The following HIVEP3 variants were observed in gnomAD, a reference collection of about 807,000 sequenced individuals.
HIVEP3 encodes HIVEP zinc finger 3.
HIVEP3 carries 49 observed loss-of-function variants against 152.8 expected under a neutral mutation model. That is an observed-to-expected ratio of 0.32 (90% CI 0.26 to 0.41). HIVEP3 has a LOEUF of 0.41. Ranked by LOEUF, HIVEP3 falls within the 10% of genes least tolerant of loss-of-function variation. The probability of loss-of-function intolerance (pLI) is 1.00; values close to 1 mark genes in which losing one functional copy is unlikely to be tolerated. For synonymous variants in HIVEP3, 1,269 were observed against 1,289.0 expected, an observed-to-expected ratio of 0.98 and a Z score of 0.33; for missense variants, 2,790 against 3,103.3, an observed-to-expected ratio of 0.90 and a Z score of 2.40.
chr1:41,617,926 G>A (rs1337007892), intron 3 of HIVEP3, among the ~76,000 whole-genome samples: 1 of 152,204 alleles, frequency 6.6e-6, no homozygotes, highest in Non-Finnish European at 1.5e-5. Flanking sequence ...GGAGGGCAAT[G>A]ACCGCACCAG....
intron 2 of HIVEP3, among the ~76,000 whole-genome samples, chr1:41,656,018 C>T (rs1453177905): frequency 1.3e-5 from 2 of 152,044 alleles, no homozygotes; most frequent in Non-Finnish European, 2.9e-5. Context: ...TTTGGGTCTT[C>T]TTTAAGAAAA....
At chr1:41,531,602 G>T (rs1643257154) in intron 5 of HIVEP3, among the ~76,000 whole-genome samples, 1 of 62,906 alleles carries the variant, frequency 1.6e-5, no homozygotes. Context: ...ATGGAGGACA[G>T]GGGAGATGGA....
At chr1:41,585,410 A>G (rs1410975015) in intron 3 of HIVEP3, 92 bp from the exon 4 acceptor site, 3 of 398,348 alleles carry the variant, frequency 7.5e-6, no homozygotes, top group Non-Finnish European at 1.3e-5. Flanking sequence ...GGCAGCCCAG[A>G]CTCGGTGCCA....
intron 1 of HIVEP3, among the ~76,000 whole-genome samples, chr1:41,983,368 G>A (rs780050417): frequency 6.6e-6 from 1 of 152,186 alleles, no homozygotes; most frequent in South Asian, 2.1e-4. Flanking sequence ...TTTAACAAGC[G>A]CAAACATAAA....
chr1:41,927,690 C>T (rs1231519425), intron 1 of HIVEP3, among the ~76,000 whole-genome samples: 1 of 152,044 alleles, frequency 6.6e-6, no homozygotes, highest in South Asian at 2.1e-4. Flanking sequence ...CCCTTCTCCC[C>T]GATAATCACA....
chr1:41,526,999 TCA>T (rs376254919), intron 5 of HIVEP3, among the ~76,000 whole-genome samples: 1 of 75,968 alleles, frequency 1.3e-5, no homozygotes, highest in East Asian at 5.5e-4. Context: ...ACCCCTGCAC[TCA>T]CACTCGCTTA....
intron 2 of HIVEP3, among the ~76,000 whole-genome samples, chr1:41,685,679 T>C (rs191910695): frequency 2.0e-5 from 3 of 152,368 alleles, no homozygotes; most frequent in Non-Finnish European, 4.4e-5. Flanking sequence ...CTTGAATCCT[T>C]TTTGGAACAG....
intron 1 of HIVEP3, among the ~76,000 whole-genome samples, chr1:41,952,905 A>T (rs1277062871): frequency 6.6e-6 from 1 of 152,162 alleles, no homozygotes; most frequent in African/African-American, 2.4e-5. Context: ...GAAGGTGTCA[A>T]GTCATTCCAC....
chr1:41,698,473 A>G (rs1214452955), intron 2 of HIVEP3, among the ~76,000 whole-genome samples: 1 of 152,206 alleles, frequency 6.6e-6, no homozygotes. Context: ...TGGCCTTATC[A>G]TGTAGCTCAT....
rs1649143282 is a variant in HIVEP3, at chr1:41,783,018, G to A, written c.-800-82023C>T. On this transcript the variant is annotated intron_variant, in intron 1 of 8. Coordinates refer to ENST00000372583, the MANE Select transcript of HIVEP3 (RefSeq NM_024503.5). ...GCCAGGGCTGTGGTTTTCAAACCTG[G>A]AAACCAAACCAGGTTCCAGGGCTCC... Among the ~76,000 whole-genome samples, 5 of 152,252 alleles carry A rather than the reference G, an allele frequency of 3.3e-5. No individual in the cohort carries two copies. In the South Asian group the frequency reaches 1.0e-3, roughly 32 times the overall value.
At chr1:41,813,420 C>T (rs1423569454) in intron 1 of HIVEP3, among the ~76,000 whole-genome samples, 1 of 152,222 alleles carries the variant, frequency 6.6e-6, no homozygotes, top group Non-Finnish European at 1.5e-5. Flanking sequence ...CAATGTTCAC[C>T]AGCTGGTCCT....
chr1:41,674,465 G>T (rs1645924116), intron 2 of HIVEP3, among the ~76,000 whole-genome samples: 1 of 152,184 alleles, frequency 6.6e-6, no homozygotes, highest in African/African-American at 2.4e-5. Context: ...TCAAGGACGT[G>T]GGATTCTCAG....
At chr1:42,035,423 A>G (rs1645635918) in intron 1 of HIVEP3, among the ~76,000 whole-genome samples, 1 of 152,244 alleles carries the variant, frequency 6.6e-6, no homozygotes, top group Non-Finnish European at 1.5e-5. Flanking sequence ...CAAACCCCTG[A>G]CCACAAAGTG....
At chr1:41,963,553 A>G (rs1442045189) in intron 1 of HIVEP3, among the ~76,000 whole-genome samples, 1 of 152,048 alleles carries the variant, frequency 6.6e-6, no homozygotes. Flanking sequence ...GAGGGAAAGC[A>G]TTAGGAGATA....
At chr1:41,601,287 T>C (rs1644745213) in intron 3 of HIVEP3, among the ~76,000 whole-genome samples, 1 of 152,140 alleles carries the variant, frequency 6.6e-6, no homozygotes, top group African/African-American at 2.4e-5. Flanking sequence ...TTAGGCAAAG[T>C]AATGTAATTG....
chr1:41,739,804 A>T (rs1056562404), intron 1 of HIVEP3, among the ~76,000 whole-genome samples: 1 of 152,252 alleles, frequency 6.6e-6, no homozygotes, highest in Non-Finnish European at 1.5e-5. Flanking sequence ...GACTTGTTTA[A>T]GGCAGAGGCT....
At chr1:41,998,442 T>C (rs1369604781) in intron 1 of HIVEP3, among the ~76,000 whole-genome samples, 4 of 152,192 alleles carry the variant, frequency 2.6e-5, no homozygotes, top group African/African-American at 7.2e-5. Context: ...AATGATGTCA[T>C]GTCATGATGT....
intron 1 of HIVEP3, among the ~76,000 whole-genome samples, chr1:42,019,255 TCA>T (rs1448713124): frequency 2.0e-5 from 3 of 152,040 alleles, no homozygotes; most frequent in Non-Finnish European, 2.9e-5. Context: ...GATTTTATAT[TCA>T]GTTTGTTGAT....
At chr1:41,931,235 T>C (rs771151814) in intron 1 of HIVEP3, among the ~76,000 whole-genome samples, 1 of 152,120 alleles carries the variant, frequency 6.6e-6, no homozygotes, top group Non-Finnish European at 1.5e-5. Context: ...AGATGTATTG[T>C]AGTTTCATCT....
Sources: allele counts gnomAD v4.1 joint callset (sites outside exome capture counted in the v4.1 genomes callset), GRCh38; gene constraint gnomAD v4.1.1; transcripts MANE v1.5; gene names NCBI Gene and HGNC (gene_info 2026-07-23, HGNC 2026-07-21).